The following TENT5D variants were observed in gnomAD, a reference collection of about 807,000 sequenced individuals.
TENT5D encodes terminal nucleotidyltransferase 5D, also known as cancer/testis antigen 112.
For missense variants in TENT5D, 191 were observed against 287.0 expected, an observed-to-expected ratio of 0.67 and a Z score of 2.42; for synonymous variants, 103 against 100.6, an observed-to-expected ratio of 1.02 and a Z score of -0.15.
intron 2 of TENT5D, among the ~76,000 whole-genome samples, chrX:80,339,825 C>T (rs1418099149): frequency 1.9e-5 from 2 of 107,220 alleles, no homozygotes; most frequent in African/African-American, 6.8e-5. Context: ...ACAAATATCA[C>T]GTTTGGTGAT....
chrX:80,438,116 A>G (rs1340008931), intron 1 of TENT5D, among the ~76,000 whole-genome samples: 1 of 111,297 alleles, frequency 9.0e-6, no homozygotes, highest in East Asian at 2.8e-4. Flanking sequence ...TAGCCAAAAT[A>G]TGAGGGACTA....
At chrX:80,355,516 G>A (rs1930265164) in intron 3 of TENT5D, among the ~76,000 whole-genome samples, 1 of 111,846 alleles carries the variant, frequency 8.9e-6, no homozygotes, top group Non-Finnish European at 1.9e-5. Flanking sequence ...AACCTTCTGG[G>A]CTCTGCACAG....
upstream of TENT5D, among the ~76,000 whole-genome samples, chrX:80,419,037 T>G (rs1313528641): frequency 1.8e-5 from 2 of 111,817 alleles, no homozygotes; most frequent in Non-Finnish European, 3.8e-5. Flanking sequence ...TTTTTTTCAA[T>G]GGGATCATAG....
At chrX:80,339,366 G>A (rs371645332) in intron 2 of TENT5D, among the ~76,000 whole-genome samples, 1 of 111,117 alleles carries the variant, frequency 9.0e-6, no homozygotes, top group South Asian at 3.8e-4. Context: ...TTTGAGAGAG[G>A]TCGAAACTGA....
intron 3 of TENT5D, among the ~76,000 whole-genome samples, chrX:80,401,086 T>TA (rs1467369922): frequency 1.8e-5 from 2 of 111,944 alleles, no homozygotes; most frequent in Admixed American, 9.5e-5. Context: ...TCTTCTTCAG[T>TA]CTCTTTTGAT....
At chrX:80,349,983 AGTTCTAATTT>A (rs1415944791) in intron 3 of TENT5D, among the ~76,000 whole-genome samples, 1 of 110,988 alleles carries the variant, frequency 9.0e-6, no homozygotes, top group African/African-American at 3.3e-5. Context: ...CTTAATCCTG[AGTTCTAATTT>A]GATTGCACTG....
At chrX:80,371,418 G>A (rs1291611075) in intron 3 of TENT5D, among the ~76,000 whole-genome samples, 2 of 111,745 alleles carry the variant, frequency 1.8e-5, no homozygotes, top group Admixed American at 9.5e-5. Context: ...CCCTAACAAT[G>A]GAGAGTCAGC....
At chrX:80,366,208 A>AGTGTGTGTGTGTGTGTGT (rs3087109) in intron 3 of TENT5D, among the ~76,000 whole-genome samples, 1 of 98,471 alleles carries the variant, frequency 1.0e-5, no homozygotes, top group African/African-American at 3.7e-5. Context: ...GAAGACAGGG[A>AGTGTGTGTGTGTGTGTGT]GTGTGTGTGT....
At chrX:80,420,624 A>G (rs1484742427) in intron 1 of TENT5D, 61 bp downstream of exon 1, 1 of 111,986 alleles carries the variant, frequency 8.9e-6, no homozygotes, top group Non-Finnish European at 1.9e-5. Context: ...ACACATCAAA[A>G]TTGACGTTTA....
chrX:80,355,027 T>A (rs1266014912), intron 3 of TENT5D, among the ~76,000 whole-genome samples: 5 of 111,834 alleles, frequency 4.5e-5, no homozygotes, highest in Non-Finnish European at 7.5e-5. Context: ...CCGAGGGCTT[T>A]GACCAGAACC....
chrX:80,411,640 A>G (rs1931669440), intron 3 of TENT5D, among the ~76,000 whole-genome samples: 1 of 112,379 alleles, frequency 8.9e-6, no homozygotes, highest in Admixed American at 9.4e-5. Flanking sequence ...AGTATTTTTT[A>G]ATAAGAACAC....
chrX:80,444,125 G>A (rs1932342215), exon 3 of TENT5D: 1 of 131,161 alleles, frequency 7.6e-6, no homozygotes, highest in Admixed American at 8.8e-5. Flanking sequence ...TTTATATTCA[G>A]TCAGTTCCTT....
At chrX:80,349,124 G>T (rs768715012) in intron 3 of TENT5D, among the ~76,000 whole-genome samples, 4 of 111,527 alleles carry the variant, frequency 3.6e-5, no homozygotes, top group East Asian at 2.8e-4. Context: ...AAATTTTTTT[G>T]TTGTTTTGTC....
chrX:80,357,194 C>T (rs1212953185), intron 3 of TENT5D, among the ~76,000 whole-genome samples: 1 of 112,051 alleles, frequency 8.9e-6, no homozygotes, highest in Non-Finnish European at 1.9e-5. Flanking sequence ...CAAATCTTTG[C>T]TATTGTGAAT....
chrX:80,427,849 G>T (rs748098664), intron 1 of TENT5D, among the ~76,000 whole-genome samples: 11 of 112,032 alleles, frequency 9.8e-5, no homozygotes, highest in African/African-American at 3.6e-4. Flanking sequence ...TTTTCTCAAG[G>T]AGTCCTGGGT....
At chrX:80,362,156 A>C (rs1490196581) in intron 3 of TENT5D, among the ~76,000 whole-genome samples, 1 of 110,946 alleles carries the variant, frequency 9.0e-6, no homozygotes, top group African/African-American at 3.3e-5. Flanking sequence ...TGCAAAAAAC[A>C]TGATTTTATC....
intron 3 of TENT5D, among the ~76,000 whole-genome samples, chrX:80,406,530 C>T (rs1252017212): frequency 9.1e-5 from 9 of 99,037 alleles, no homozygotes; most frequent in African/African-American, 2.6e-4. Flanking sequence ...TGAAATGAAG[C>T]GAGAAGGGAA....
chrX:80,357,518 A>G (rs1248411303), intron 3 of TENT5D, among the ~76,000 whole-genome samples: 7 of 110,623 alleles, frequency 6.3e-5, no homozygotes, highest in East Asian at 2.8e-4. Flanking sequence ...GCCAGTGATG[A>G]TGAGCATTTT....
At chrX:80,412,944 A>AT (rs57462754) in intron 3 of TENT5D, among the ~76,000 whole-genome samples, 10,367 of 107,053 alleles carry the variant, frequency 0.097, 518 homozygotes, top group African/African-American at 0.18. Flanking sequence ...GTGTTACTAT[A>AT]TTTTTTTTTT....
Sources: gnomAD v4.1 joint callset for allele counts (sites outside exome capture counted in the v4.1 genomes callset) on GRCh38, gnomAD v4.1.1 for gene constraint, MANE v1.5 for transcripts, NCBI Gene and HGNC (gene_info 2026-07-23, HGNC 2026-07-21) for gene names.